TSPAN5: variants seen among roughly 807,000 people sequenced by gnomAD.
The protein encoded by TSPAN5 is tetraspanin-5.
TSPAN5 carries 10 observed loss-of-function variants against 37.1 expected under a neutral mutation model. The observed-to-expected ratio is 0.27, with a 90% CI of 0.17 to 0.46. The LOEUF is 0.46. Ranked by LOEUF, TSPAN5 falls within the 20% of genes least tolerant of loss-of-function variation. The pLI, the probability that TSPAN5 is intolerant of heterozygous loss-of-function variation, is 1.00. For missense variants in TSPAN5, 195 were observed against 326.6 expected (o/e 0.60, Z 3.11); for synonymous variants, 110 against 118.9 (o/e 0.93, Z 0.48).
chr4:98,576,238 T>G (rs1024796367), intron 1 of TSPAN5, among the ~76,000 whole-genome samples: 2 of 152,174 alleles, frequency 1.3e-5, no homozygotes, highest in Non-Finnish European at 1.5e-5. Context: ...CAATCCACTT[T>G]GCCAACATAT....
chr4:98,546,362 T>C (rs1006630118), intron 1 of TSPAN5, among the ~76,000 whole-genome samples: 2 of 152,186 alleles, frequency 1.3e-5, no homozygotes, highest in South Asian at 2.1e-4. Context: ...AACACAGTGA[T>C]AGAAAGGACG....
intron 1 of TSPAN5, among the ~76,000 whole-genome samples, chr4:98,628,736 C>A (rs974046902): frequency 2.0e-5 from 3 of 152,148 alleles, no homozygotes; most frequent in Admixed American, 6.5e-5. Context: ...TAGGAATCTG[C>A]AACACCAGCT....
chr4:98,541,692 A>AGAG lies in TSPAN5; in HGVS notation c.82-33965_82-33964insCTC, dbSNP rs34399262. Among the ~76,000 whole-genome samples the AGAG allele has an allele frequency of 2.1e-3, 192 of 91,982 alleles. 2 individuals are homozygous for AGAG. Among genetic ancestry groups the AGAG allele is most frequent in the South Asian group, 0.019 (35 of 1,868 alleles). 60.3% of individuals were successfully genotyped at this position (91,982 alleles called of 152,430 possible). On this transcript the variant is annotated intron_variant, in intron 1 of 7. Transcript: ENST00000305798. ...TCTGTCTCAAAAAAAAAAAAAAAAA[A>AGAG]AAAGAGAGAGAGAGAGAGAGAAGGA...
chr4:98,507,982 C>T (rs1753515272), intron 1 of TSPAN5, among the ~76,000 whole-genome samples: 1 of 152,152 alleles, frequency 6.6e-6, no homozygotes. Context: ...AGGTAGAATC[C>T]TGAGTACACT....
intron 1 of TSPAN5, among the ~76,000 whole-genome samples, chr4:98,555,068 CAA>C (rs1560535493): frequency 6.6e-6 from 1 of 152,162 alleles, no homozygotes; most frequent in Admixed American, 6.6e-5. Flanking sequence ...AATGTGAACA[CAA>C]GAGAGCTAAC....
intron 1 of TSPAN5, among the ~76,000 whole-genome samples, chr4:98,578,215 C>T (rs1335597411): frequency 6.6e-6 from 1 of 152,164 alleles, no homozygotes; most frequent in Non-Finnish European, 1.5e-5. Context: ...GAACTTGCAA[C>T]ATGAACTGGA....
rs373082435 is a variant in TSPAN5, at chr4:98,624,449, A to C, written c.81+33697T>G. ...AGAGGAAAAAAAAATACGTATTAAC[A>C]TAAGTAACATTTCATTACTAAGAGC... is the stretch of plus-strand genomic sequence containing the variant. On this transcript the variant is annotated intron_variant, in intron 1 of 7. Transcript: ENST00000305798. Among the ~76,000 whole-genome samples the C allele has an allele frequency of 2.1e-3, 323 of 152,320 alleles. 1 individual carries two copies. The highest frequency in any genetic ancestry group is 7.3e-3 in the African/African-American group (305 of 41,580).
intron 1 of TSPAN5, among the ~76,000 whole-genome samples, chr4:98,586,377 G>A (rs1755484446): frequency 6.6e-6 from 1 of 152,108 alleles, no homozygotes; most frequent in Non-Finnish European, 1.5e-5. Flanking sequence ...TTGTCTGTGT[G>A]AAGAAACCAG....
At chr4:98,567,166 C>T (rs1207483943) in intron 1 of TSPAN5, among the ~76,000 whole-genome samples, 2 of 152,164 alleles carry the variant, frequency 1.3e-5, no homozygotes, top group African/African-American at 4.8e-5. Context: ...CTTCTCGTAA[C>T]CTGTTGGGCC....
intron 1 of TSPAN5, among the ~76,000 whole-genome samples, chr4:98,514,915 T>C (rs17027639): frequency 0.068 from 10,341 of 152,176 alleles, 454 homozygotes; most frequent in Non-Finnish European, 0.093. Context: ...AGGGAATTTT[T>C]TAAAATGGGA....
intron 1 of TSPAN5, among the ~76,000 whole-genome samples, chr4:98,508,172 T>C (rs1362920707): frequency 6.6e-6 from 1 of 152,218 alleles, no homozygotes; most frequent in Non-Finnish European, 1.5e-5. Flanking sequence ...GAGGGGCATG[T>C]AGAGCCTTGG....
At chr4:98,499,236 G>A (rs776652825) in intron 2 of TSPAN5, among the ~76,000 whole-genome samples, 5 of 152,254 alleles carry the variant, frequency 3.3e-5, no homozygotes, top group African/African-American at 7.2e-5. Flanking sequence ...CCGGGCAGGC[G>A]GTGGGCAGAG....
chr4:98,601,942 G>C (rs562810850), intron 1 of TSPAN5, among the ~76,000 whole-genome samples: 1 of 152,272 alleles, frequency 6.6e-6, no homozygotes, highest in African/African-American at 2.4e-5. Flanking sequence ...AGGGAATACG[G>C]AGGCCTGAGG....
At chr4:98,645,254 G>T (rs1553919253) in intron 1 of TSPAN5, among the ~76,000 whole-genome samples, 3 of 152,096 alleles carry the variant, frequency 2.0e-5, no homozygotes, top group Non-Finnish European at 2.9e-5. Flanking sequence ...TTACCAACAG[G>T]CACCAATAAT....
chr4:98,500,596 C>T (rs1249315745), intron 2 of TSPAN5, among the ~76,000 whole-genome samples: 2 of 152,158 alleles, frequency 1.3e-5, no homozygotes, highest in East Asian at 1.9e-4. Flanking sequence ...GCCTTGGTTT[C>T]CCCACCTATG....
intron 1 of TSPAN5, among the ~76,000 whole-genome samples, chr4:98,560,501 G>C (rs1754857110): frequency 6.6e-6 from 1 of 152,164 alleles, no homozygotes; most frequent in Non-Finnish European, 1.5e-5. Flanking sequence ...CTTCAATTGA[G>C]GGAGGCAGGG....
chr4:98,560,776 T>C (rs1408737902), intron 1 of TSPAN5, among the ~76,000 whole-genome samples: 1 of 152,222 alleles, frequency 6.6e-6, no homozygotes, highest in Non-Finnish European at 1.5e-5. Flanking sequence ...ACAGGGGCTC[T>C]AAAGTAAAAA....
At position 98,562,647 on chromosome 4, in the gene TSPAN5, G is replaced by A. The variant is rs529625738; in HGVS notation, c.82-54919C>T. Among the ~76,000 whole-genome samples the A allele has an allele frequency of 4.9e-4, 75 of 151,874 alleles. No homozygotes were observed. The South Asian group carries it at 8.3e-3, about 17-fold the overall frequency. On this transcript the variant is annotated intron_variant, in intron 1 of 7. Coordinates refer to ENST00000305798, the MANE Select transcript of TSPAN5 (RefSeq NM_005723.4). ...CTGCACTCCAGCCTGGCAACACAGCGAGACTCTGTCTCAAAAAACAAAACA... is the reference window on the plus strand; with the variant it reads ...CTGCACTCCAGCCTGGCAACACAGCAAGACTCTGTCTCAAAAAACAAAACA...
At chr4:98,532,220 C>A (rs1754110446) in intron 1 of TSPAN5, among the ~76,000 whole-genome samples, 1 of 152,104 alleles carries the variant, frequency 6.6e-6, no homozygotes, top group Non-Finnish European at 1.5e-5. Flanking sequence ...TTTTCCAATT[C>A]TGTGAAGAAA....
Sources: allele counts gnomAD v4.1 joint callset (sites outside exome capture counted in the v4.1 genomes callset), GRCh38; gene constraint gnomAD v4.1.1; transcripts MANE v1.5; gene names NCBI Gene and HGNC (gene_info 2026-07-23, HGNC 2026-07-21).